Variants in TRNT1 observed in about 807,000 individuals in gnomAD.
The protein encoded by TRNT1 is tRNA nucleotidyl transferase 1, also known as CCA tRNA nucleotidyltransferase 1, mitochondrial.
TRNT1 carries 44 observed loss-of-function variants against 45.6 expected under a neutral mutation model. That is an observed-to-expected ratio of 0.97 (90% CI 0.76 to 1.24). TRNT1 has a LOEUF of 1.24. Ranked by LOEUF, TRNT1 falls within the 50% of genes most tolerant of loss-of-function variation. The probability of loss-of-function intolerance (pLI) is 0.00; values close to 1 mark genes in which losing one functional copy is unlikely to be tolerated. For missense variants in TRNT1, 633 were observed against 504.4 expected, an observed-to-expected ratio of 1.25 and a Z score of -2.44; for synonymous variants, 201 against 171.4, an observed-to-expected ratio of 1.17 and a Z score of -1.35.
intron 4 of TRNT1, 31 bp downstream of exon 4, chr3:3,140,679 G>C (rs755268217): frequency 6.2e-7 from 1 of 1,605,372 alleles, no homozygotes; most frequent in Admixed American, 1.7e-5. Flanking sequence ...CATATTGTGA[G>C]TCTATCAGAA....
Position 3,147,711 on chromosome 3 carries a change from T to C in TRNT1, c.1056+8T>C. On this transcript the variant is annotated splice_region_variant and intron_variant, in intron 7 of 7. Coordinates refer to ENST00000251607, the MANE Select transcript of TRNT1 (RefSeq NM_182916.3). ...CAAGACTTCATTATAGATGTAAGTA[T>C]ATACTAGGCTTGGTCAGAAATATGA... is the stretch of plus-strand genomic sequence containing the variant. 1 of 1,589,880 alleles carries C rather than the reference T, an allele frequency of 6.3e-7. No individual in the cohort carries two copies. The highest frequency in any genetic ancestry group is 8.5e-7 in the Non-Finnish European group (1 of 1,170,230).
At chr3:3,135,326 G>C (rs1469724964) in intron 2 of TRNT1, among the ~76,000 whole-genome samples, 2 of 152,138 alleles carry the variant, frequency 1.3e-5, no homozygotes, top group African/African-American at 4.8e-5. Context: ...AGACAAATAG[G>C]TCATGGAAGC....
Position 3,147,704 on chromosome 3 carries a change from G to T in TRNT1, c.1056+1G>T, listed in dbSNP as rs369179242. The T allele has an allele frequency of 6.8e-6, 11 of 1,607,778 alleles. No individual in the cohort carries two copies. In the East Asian group the frequency reaches 1.1e-4, roughly 16 times the overall value. On this transcript the variant is annotated splice_donor_variant, in intron 7 of 7. Coordinates refer to ENST00000251607, the MANE Select transcript of TRNT1 (RefSeq NM_182916.3). LOFTEE classifies it high-confidence loss of function. ...ACCCTATCAAGACTTCATTATAGAT[G>T]TAAGTATATACTAGGCTTGGTCAGA...
chr3:3,127,871 G>T (rs1022494439), intron 1 of TRNT1: 1 of 152,136 alleles, frequency 6.6e-6, no homozygotes, highest in Non-Finnish European at 1.5e-5. Context: ...ACCGAGGGTT[G>T]GGCTGCTTAT....
At chr3:3,149,745 A>C (rs927617673), downstream of TRNT1, 1 of 152,176 alleles carries the variant, frequency 6.6e-6, no homozygotes, top group Non-Finnish European at 1.5e-5. Flanking sequence ...ATTTACATAA[A>C]TATGCAGTGT....
In TRNT1 at chr3:3,137,502, T is replaced by A. The variant is rs1057237654; in HGVS notation, c.342+49T>A. 8.1e-6 allele frequency: 12 copies of A among 1,476,814 alleles called. No homozygotes were observed. The East Asian group carries it at 1.9e-4, about 23-fold the overall frequency. 91.5% of individuals were successfully genotyped at this position (1,476,814 alleles called of 1,614,324 possible). On this transcript the variant is annotated intron_variant, in intron 3 of 7. Coordinates refer to ENST00000251607, the MANE Select transcript of TRNT1 (RefSeq NM_182916.3). ...ATTACATTGCTTTTTTGGTAATTTT[T>A]AAAAACTTAATTTTCTCTAGTTAAA...
At chr3:3,134,656 C>G (rs1297363427) in intron 2 of TRNT1, among the ~76,000 whole-genome samples, 1 of 152,006 alleles carries the variant, frequency 6.6e-6, no homozygotes, top group East Asian at 1.9e-4. Flanking sequence ...TTCAGAACAG[C>G]TACTTGATAC....
rs1706135868 is a variant in TRNT1 at position 3,147,670 on chromosome 3, C to T, written c.1023C>T (p.Asp341=). 6.2e-7 allele frequency: 1 copy of T among 1,613,042 alleles called. No individual in the cohort carries two copies. Among genetic ancestry groups the T allele is most frequent in the East Asian group, 2.2e-5 (1 of 44,822 alleles). Residue 341 remains aspartate (D), a synonymous_variant, in exon 7 of 8, where the codon GAC becomes GAT. Transcript: ENST00000251607. ...TAATTAAAGCAACAGATAGTTCAGA[C>T]CCATTGAAACCCTATCAAGACTTCA... The part of the protein sequence containing the change: ...KDLIKATDSS[D]PLKPYQDFII...
chr3:3,136,237 A>G (rs914735697), intron 2 of TRNT1, among the ~76,000 whole-genome samples: 1 of 152,092 alleles, frequency 6.6e-6, no homozygotes, highest in Non-Finnish European at 1.5e-5. Context: ...GTTTTGTGAA[A>G]ATGTTTCTGT....
chr3:3,128,655 C>A (rs1048691331), intron 1 of TRNT1, among the ~76,000 whole-genome samples: 1 of 149,274 alleles, frequency 6.7e-6, no homozygotes, highest in African/African-American at 2.5e-5. Flanking sequence ...GCTTCAAGGT[C>A]CAGGAAAGGC....
At chr3:3,149,347 A>G (rs974500427), downstream of TRNT1, 2 of 152,166 alleles carry the variant, frequency 1.3e-5, no homozygotes, top group Admixed American at 1.3e-4. Flanking sequence ...CTATTTCTGT[A>G]TAGAAAGTAT....
chr3:3,129,243 G>C, intron 2 of TRNT1, 55 bp downstream of exon 2: 1 of 1,471,760 alleles, frequency 6.8e-7, no homozygotes, highest in Non-Finnish European at 9.4e-7. Context: ...TGGAGAAGTA[G>C]AGGGTTAACT....
At chr3:3,139,624 C>CA (rs577151908) in intron 3 of TRNT1, among the ~76,000 whole-genome samples, 1,918 of 152,298 alleles carry the variant, frequency 0.013, 50 homozygotes, top group African/African-American at 0.044. Flanking sequence ...AACCCTGCTG[C>CA]TTTTTCAAGG....
intron 3 of TRNT1, among the ~76,000 whole-genome samples, chr3:3,139,350 G>C (rs1241574028): frequency 4.6e-5 from 7 of 152,216 alleles, no homozygotes; most frequent in Non-Finnish European, 1.0e-4. Context: ...GTGAGAGATA[G>C]ATGTAGCTTG....
chr3:3,137,782 TCTC>T (rs1384925594), intron 3 of TRNT1, among the ~76,000 whole-genome samples: 3 of 152,224 alleles, frequency 2.0e-5, no homozygotes, highest in African/African-American at 4.8e-5. Flanking sequence ...CACGTATAAT[TCTC>T]CTTCTTCTGT....
chr3:3,150,846 T>TG, downstream of TRNT1: 1 of 1,358,416 alleles, frequency 7.4e-7, no homozygotes, highest in Non-Finnish European at 1.0e-6. Flanking sequence ...TTAGATAACT[T>TG]TATCTCTATC....
chr3:3,132,397 CTG>C (rs1204776538), intron 2 of TRNT1, among the ~76,000 whole-genome samples: 1 of 15,758 alleles, frequency 6.3e-5, no homozygotes, highest in Non-Finnish European at 1.6e-4. Context: ...ATGGATGAAA[CTG>C]GAAACCATCA....
chr3:3,137,792 C>T (rs550541553), intron 3 of TRNT1, among the ~76,000 whole-genome samples: 1 of 152,328 alleles, frequency 6.6e-6, no homozygotes, highest in African/African-American at 2.4e-5. Context: ...TCTCCTTCTT[C>T]TGTCTTCCTA....
Position 3,129,356 on chromosome 3 carries a change from C to T in TRNT1, c.148+168C>T, listed in dbSNP as rs1704852179. 2.1e-5 allele frequency: 13 copies of T among 617,936 alleles called. No homozygotes were observed. The South Asian group carries it at 2.7e-4, about 13-fold the overall frequency. 38.3% of individuals were successfully genotyped at this position (617,936 alleles called of 1,614,324 possible). A position where few individuals can be genotyped will look rare whatever the true frequency, so the allele number is the denominator to read the frequency against. On this transcript the variant is annotated intron_variant, in intron 2 of 7. Coordinates refer to ENST00000251607, the MANE Select transcript of TRNT1 (RefSeq NM_182916.3). Reference sequence around the variant, plus strand: ...TGTTGCCCAGGCTGGTCTCAAAACTCCTGGGCTCACTCCTTGGCCTCCCAA... The same window carrying T: ...TGTTGCCCAGGCTGGTCTCAAAACTTCTGGGCTCACTCCTTGGCCTCCCAA...
Sources: allele counts gnomAD v4.1 joint callset (sites outside exome capture counted in the v4.1 genomes callset), GRCh38; gene constraint gnomAD v4.1.1; transcripts MANE v1.5; gene names NCBI Gene and HGNC (gene_info 2026-07-23, HGNC 2026-07-21).